The following ANKS1B variants were observed in gnomAD, a reference collection of about 807,000 sequenced individuals.
The protein encoded by ANKS1B is ankyrin repeat and sterile alpha motif domain-containing protein 1B.
A neutral mutation model predicts 148.3 loss-of-function variants in ANKS1B; 36 were observed. The ratio of observed to expected loss-of-function variants is 0.24; its 90% CI spans 0.19 to 0.32. ANKS1B has a LOEUF of 0.32. Among genes scored for constraint, ANKS1B ranks in the 10% least tolerant of loss-of-function variants. ANKS1B has a pLI of 1.00. For synonymous variants in ANKS1B, 542 were observed against 560.8 expected, an observed-to-expected ratio of 0.97 and a Z score of 0.47; for missense variants, 1,157 against 1,542.6, an observed-to-expected ratio of 0.75 and a Z score of 4.19.
At chr12:98,991,200 CA>C (rs1396015343) in intron 17 of ANKS1B, among the ~76,000 whole-genome samples, 2 of 152,032 alleles carry the variant, frequency 1.3e-5, no homozygotes, top group Non-Finnish European at 2.9e-5. Flanking sequence ...AGGCAAAACT[CA>C]AAGAAAACTC....
At chr12:99,856,274 A>T (rs2089039993) in intron 1 of ANKS1B, among the ~76,000 whole-genome samples, 1 of 152,176 alleles carries the variant, frequency 6.6e-6, no homozygotes, top group Non-Finnish European at 1.5e-5. Context: ...ATCCAAGGCT[A>T]CTATGAACAC....
intron 10 of ANKS1B, among the ~76,000 whole-genome samples, chr12:99,452,615 A>G (rs769920514): frequency 3.3e-5 from 5 of 152,230 alleles, no homozygotes; most frequent in Non-Finnish European, 7.3e-5. Context: ...TACAGAAATC[A>G]TAAGTAAAAA....
chr12:99,014,370 A>T (rs774143139), intron 17 of ANKS1B, among the ~76,000 whole-genome samples: 3 of 152,156 alleles, frequency 2.0e-5, no homozygotes, highest in Non-Finnish European at 4.4e-5. Flanking sequence ...ACAAAAACTA[A>T]CTCAAGATGA....
At chr12:99,342,761 C>A (rs147383078) in intron 12 of ANKS1B, among the ~76,000 whole-genome samples, 3 of 151,956 alleles carry the variant, frequency 2.0e-5, no homozygotes, top group Non-Finnish European at 4.4e-5. Context: ...TTGTCTAACA[C>A]CTAAAAGTAA....
chr12:99,364,013 C>T (rs1255462765), intron 12 of ANKS1B, among the ~76,000 whole-genome samples: 1 of 152,042 alleles, frequency 6.6e-6, no homozygotes, highest in Non-Finnish European at 1.5e-5. Context: ...GCTCTGAAGC[C>T]AGCTTTGGAG....
At chr12:99,838,551 C>A (rs1046886128) in intron 1 of ANKS1B, among the ~76,000 whole-genome samples, 1 of 151,902 alleles carries the variant, frequency 6.6e-6, no homozygotes, top group African/African-American at 2.4e-5. Context: ...AGATATTAAC[C>A]CTTTCTAATG....
chr12:99,662,047 C>T (rs2098480176), intron 8 of ANKS1B, among the ~76,000 whole-genome samples: 1 of 152,202 alleles, frequency 6.6e-6, no homozygotes, highest in South Asian at 2.1e-4. Flanking sequence ...GTGATCCCTA[C>T]CAGCCTTGGA....
At chr12:98,872,171 C>A (rs150161469) in intron 17 of ANKS1B, among the ~76,000 whole-genome samples, 35 of 152,270 alleles carry the variant, frequency 2.3e-4, no homozygotes, top group South Asian at 1.9e-3. Context: ...ATTGCATCTC[C>A]CCAAATTCAT....
intron 10 of ANKS1B, among the ~76,000 whole-genome samples, chr12:99,485,189 C>T (rs2096472103): frequency 1.3e-5 from 2 of 151,960 alleles, no homozygotes; most frequent in Admixed American, 6.6e-5. Flanking sequence ...CCTTTTAGCA[C>T]TTCTTGTAGT....
intron 1 of ANKS1B, among the ~76,000 whole-genome samples, chr12:99,919,300 A>G (rs1377656838): frequency 6.6e-6 from 1 of 152,178 alleles, no homozygotes; most frequent in African/African-American, 2.4e-5. Flanking sequence ...CAATATATAG[A>G]ATGTGGAAGA....
intron 1 of ANKS1B, among the ~76,000 whole-genome samples, chr12:99,915,404 G>A (rs2094143374): frequency 6.6e-6 from 1 of 152,126 alleles, no homozygotes; most frequent in Admixed American, 6.5e-5. Context: ...GAGGCATGGG[G>A]AAAGAATGCT....
chr12:99,805,887 C>A (rs749607557), intron 4 of ANKS1B, among the ~76,000 whole-genome samples: 104 of 152,072 alleles, frequency 6.8e-4, no homozygotes, highest in African/African-American at 2.4e-3. Context: ...ATTCACATCC[C>A]GGTTTTATCA....
At chr12:98,894,825 T>C (rs961810476) in intron 17 of ANKS1B, 12 of 982,490 alleles carry the variant, frequency 1.2e-5, no homozygotes, top group Non-Finnish European at 1.3e-5. Context: ...GCGCGGAGCT[T>C]GGCCGCGCCG....
At chr12:99,835,682 G>T (rs1405655819) in intron 1 of ANKS1B, among the ~76,000 whole-genome samples, 1 of 152,102 alleles carries the variant, frequency 6.6e-6, no homozygotes, top group African/African-American at 2.4e-5. Context: ...CATTTCAAAT[G>T]CTTAATATCC....
Position 99,939,740 on chromosome 12 carries a change from C to T in ANKS1B, c.134+44364G>A, listed in dbSNP as rs143388890. Among the ~76,000 whole-genome samples, 46 of 152,256 alleles carry T rather than the reference C, an allele frequency of 3.0e-4. 1 individual carries two copies. Among genetic ancestry groups the T allele is most frequent in the African/African-American group, 1.0e-3 (42 of 41,550 alleles). On this transcript the variant is annotated intron_variant, in intron 1 of 26. Coordinates refer to ENST00000683438, the MANE Select transcript of ANKS1B (RefSeq NM_001352186.2). ...CAACTGTTACTGTATTTATTTAATG[C>T]TCACCTTTTAAAGAGTAAATTCAGT...
chr12:99,099,259 A>G (rs1053752341), intron 15 of ANKS1B, among the ~76,000 whole-genome samples: 2 of 152,246 alleles, frequency 1.3e-5, no homozygotes, highest in Non-Finnish European at 2.9e-5. Context: ...GACCAGCCAG[A>G]AGCTATCCCA....
chr12:99,387,110 G>T (rs555493002), intron 12 of ANKS1B, among the ~76,000 whole-genome samples: 3 of 152,194 alleles, frequency 2.0e-5, no homozygotes, highest in Non-Finnish European at 4.4e-5. Flanking sequence ...GTCGAAGCAT[G>T]TGAAGAACGC....
chr12:99,230,831 A>C (rs2086717752), intron 14 of ANKS1B, among the ~76,000 whole-genome samples: 1 of 152,136 alleles, frequency 6.6e-6, no homozygotes, highest in Admixed American at 6.6e-5. Flanking sequence ...CCTTAGATTT[A>C]ATCTATCTGA....
chr12:99,444,637 G>C (rs1253746787), intron 10 of ANKS1B, among the ~76,000 whole-genome samples: 1 of 151,894 alleles, frequency 6.6e-6, no homozygotes, highest in African/African-American at 2.4e-5. Flanking sequence ...GTAGCACATA[G>C]AAAAGTTATT....
Sources: gnomAD v4.1 joint callset for allele counts (sites outside exome capture counted in the v4.1 genomes callset) on GRCh38, gnomAD v4.1.1 for gene constraint, MANE v1.5 for transcripts, NCBI Gene and HGNC (gene_info 2026-07-23, HGNC 2026-07-21) for gene names.